Variants in USP34 observed in about 807,000 individuals in gnomAD.
USP34 encodes the protein ubiquitin specific peptidase 34, also known as ubiquitin carboxyl-terminal hydrolase 34.
A neutral mutation model predicts 460.3 loss-of-function variants in USP34; 70 were observed. That is an observed-to-expected ratio of 0.15 (90% CI 0.13 to 0.19). USP34 has a LOEUF of 0.19. USP34 is among the 10% of genes least tolerant of loss of function. USP34 has a pLI of 1.00. For missense variants in USP34, 3,985 were observed against 4,236.2 expected (o/e 0.94, Z 1.65); for synonymous variants, 1,647 against 1,405.3 (o/e 1.17, Z -3.85).
intron 1 of USP34, among the ~76,000 whole-genome samples, chr2:61,463,037 G>T (rs1228314587): frequency 6.6e-6 from 1 of 151,664 alleles, no homozygotes; most frequent in Non-Finnish European, 1.5e-5. Context: ...CTCCAAAGGG[G>T]GGAAAAAAAT....
intron 53 of USP34, among the ~76,000 whole-genome samples, chr2:61,240,718 T>G (rs1003935024): frequency 2.6e-5 from 4 of 151,712 alleles, no homozygotes; most frequent in Non-Finnish European, 5.9e-5. Context: ...GGATTACAGG[T>G]GCCCACCAAT....
At chr2:61,445,182 A>T (rs1388825077) in intron 1 of USP34, among the ~76,000 whole-genome samples, 4 of 150,560 alleles carry the variant, frequency 2.7e-5, no homozygotes, top group African/African-American at 4.9e-5. Context: ...CACACACAAA[A>T]AAATGCTAAG....
intron 25 of USP34, among the ~76,000 whole-genome samples, chr2:61,312,510 T>C (rs910617583): frequency 1.5e-5 from 2 of 135,368 alleles, no homozygotes; most frequent in Non-Finnish European, 3.2e-5. Context: ...TACCTGAGTT[T>C]AAAAAAAAAA....
intron 75 of USP34, chr2:61,193,481 C>T (rs1355038066): frequency 2.0e-5 from 3 of 150,910 alleles, no homozygotes; most frequent in African/African-American, 7.3e-5. Flanking sequence ...CGGCCCTTAA[C>T]ACCAGTTTCT....
chr2:61,326,389 A>C (rs1330622200), intron 20 of USP34, among the ~76,000 whole-genome samples: 1 of 151,946 alleles, frequency 6.6e-6, no homozygotes, highest in African/African-American at 2.4e-5. Flanking sequence ...CACCCGGCTA[A>C]TTTTTGTTAT....
intron 21 of USP34, 135 bp from the exon 22 acceptor site, chr2:61,319,462 G>A: frequency 2.1e-6 from 1 of 470,604 alleles, no homozygotes. Flanking sequence ...TAATTGAAAT[G>A]ATGCATAATG....
At chr2:61,313,058 A>C (rs986624655) in intron 25 of USP34, among the ~76,000 whole-genome samples, 1 of 152,136 alleles carries the variant, frequency 6.6e-6, no homozygotes. Context: ...AAAATTTTGC[A>C]TGAAAAATAC....
chr2:61,284,764 C>A, intron 35 of USP34, 111 bp downstream of exon 35: 2 of 790,584 alleles, frequency 2.5e-6, no homozygotes, highest in Non-Finnish European at 1.9e-6. Context: ...GAGATTTCAT[C>A]ATAATATCCC....
chr2:61,406,028 G>T lies in USP34; in HGVS notation c.232C>A (p.Arg78=), dbSNP rs1168712144. ...NLVIAQVQVL[R]DQLCKHCTTI... ...GTACAATGTTTACAAAGCTGGTCCCGGAGCACTTGAACTTGGGCAATCACT... is the reference window on the plus strand; with the variant it reads ...GTACAATGTTTACAAAGCTGGTCCCTGAGCACTTGAACTTGGGCAATCACT... Residue 78 remains arginine, a synonymous_variant, in exon 3 of 80, where the codon CGG becomes AGG. Transcript: ENST00000398571. 1 of 1,613,380 alleles carries T rather than the reference G, an allele frequency of 6.2e-7. No individual in the cohort carries two copies. The highest frequency in any genetic ancestry group is 1.7e-5 in the Admixed American group (1 of 59,916).
intron 10 of USP34, among the ~76,000 whole-genome samples, chr2:61,355,918 T>G (rs992578168): frequency 6.6e-6 from 1 of 152,128 alleles, no homozygotes; most frequent in African/African-American, 2.4e-5. Context: ...AAAAAGATAT[T>G]CCACGCAAAT....
intron 15 of USP34, among the ~76,000 whole-genome samples, chr2:61,345,018 A>C (rs938484104): frequency 1.3e-5 from 2 of 152,244 alleles, no homozygotes; most frequent in Non-Finnish European, 2.9e-5. Context: ...CACACCTGTA[A>C]TCCCAGCACT....
rs757568866 is a variant in USP34 at position 61,256,496 on chromosome 2, T to G, written c.6127-18A>C. The stretch of plus-strand genomic sequence containing the variant: ...AGAGATTCCTGTGTATAAAACCACA[T>G]TTAAAAGTTTCATATTATTGTTTAT... On this transcript the variant is annotated intron_variant, in intron 47 of 79. Coordinates refer to ENST00000398571, the MANE Select transcript of USP34 (RefSeq NM_014709.4). 8.5e-6 allele frequency: 13 copies of G among 1,531,234 alleles called. No homozygotes were observed. In the East Asian group the frequency reaches 3.1e-4, roughly 36 times the overall value. The allele number at this position is 1,531,234 out of a possible 1,614,324, so 94.9% of individuals were successfully genotyped here.
rs191304999 is a variant in USP34 at position 61,464,165 on chromosome 2, A to G, written c.43+6485T>C. Among the ~76,000 whole-genome samples, 14 of 152,312 alleles carry G rather than the reference A, an allele frequency of 9.2e-5. No individual in the cohort carries two copies. In the East Asian group the frequency reaches 2.7e-3, roughly 29 times the overall value. ...GAAAATTAGTCTCGACTAAAAATAC[A>G]AACATTAGCTGGGCGTGGTGGCAGG... On this transcript the variant is annotated intron_variant, in intron 1 of 79. Transcript: ENST00000398571.
At chr2:61,392,957 A>G (rs1292851226) in intron 5 of USP34, among the ~76,000 whole-genome samples, 2 of 152,232 alleles carry the variant, frequency 1.3e-5, no homozygotes, top group Non-Finnish European at 2.9e-5. Flanking sequence ...AAGTTCAATC[A>G]GAATAACAGG....
chr2:61,446,694 G>A (rs1695127218), intron 1 of USP34, among the ~76,000 whole-genome samples: 1 of 151,814 alleles, frequency 6.6e-6, no homozygotes, highest in Non-Finnish European at 1.5e-5. Context: ...TACTCAGGAG[G>A]CTGAGGTGAG....
At chr2:61,465,203 G>A (rs1197460745) in intron 1 of USP34, among the ~76,000 whole-genome samples, 1 of 152,054 alleles carries the variant, frequency 6.6e-6, no homozygotes, top group Non-Finnish European at 1.5e-5. Context: ...GGGTGGGTGT[G>A]GTGGGGCAAG....
chr2:61,411,019 C>A (rs991529876), intron 2 of USP34, among the ~76,000 whole-genome samples: 3 of 152,080 alleles, frequency 2.0e-5, no homozygotes, highest in African/African-American at 7.2e-5. Context: ...ATTCCTGTAT[C>A]ACCCATGAAA....
intron 41 of USP34, among the ~76,000 whole-genome samples, chr2:61,272,590 T>A (rs552724823): frequency 6.6e-6 from 1 of 152,244 alleles, no homozygotes; most frequent in African/African-American, 2.4e-5. Flanking sequence ...ATCCCTTGAC[T>A]CATACATTTG....
intron 10 of USP34, among the ~76,000 whole-genome samples, chr2:61,369,401 C>G (rs575897133): frequency 2.4e-4 from 36 of 152,020 alleles, no homozygotes; most frequent in African/African-American, 8.0e-4. Context: ...TCCCAGCACA[C>G]TGGGAGGCCG....
Sources: gnomAD v4.1 joint callset for allele counts (sites outside exome capture counted in the v4.1 genomes callset) on GRCh38, gnomAD v4.1.1 for gene constraint, MANE v1.5 for transcripts, NCBI Gene and HGNC (gene_info 2026-07-23, HGNC 2026-07-21) for gene names.